THRB: variants seen among roughly 807,000 people sequenced by gnomAD.
THRB encodes the protein thyroid hormone receptor beta.
Under a neutral mutation model 47.8 loss-of-function variants are expected in THRB, and 12 were observed. That is an observed-to-expected ratio of 0.25 (90% CI 0.16 to 0.41). THRB has a LOEUF of 0.41. THRB is among the 10% of genes least tolerant of loss of function. The pLI is 1.00. For missense variants in THRB, 348 were observed against 589.2 expected (o/e 0.59, Z 4.24); for synonymous variants, 218 against 212.2 (o/e 1.03, Z -0.24).
chr3:24,490,675 A>C (rs1174510886), intron 1 of THRB, among the ~76,000 whole-genome samples: 1 of 152,090 alleles, frequency 6.6e-6, no homozygotes, highest in Non-Finnish European at 1.5e-5. Context: ...CCATAGGGTC[A>C]TTTTCAAGTA....
chr3:24,255,829 A>G (rs1324708865), intron 3 of THRB, among the ~76,000 whole-genome samples: 1 of 152,214 alleles, frequency 6.6e-6, no homozygotes, highest in Non-Finnish European at 1.5e-5. Flanking sequence ...TAAGTCAGAA[A>G]AGGTTGAAGG....
At chr3:24,186,585 T>C (rs2042596271) in intron 5 of THRB, among the ~76,000 whole-genome samples, 1 of 152,164 alleles carries the variant, frequency 6.6e-6, no homozygotes, top group Admixed American at 6.5e-5. Context: ...TCTAATTAAA[T>C]GTGTTACCAA....
intron 1 of THRB, among the ~76,000 whole-genome samples, chr3:24,385,478 G>A (rs1346717265): frequency 6.6e-6 from 1 of 151,894 alleles, no homozygotes. Flanking sequence ...AGGAGCAGCT[G>A]GATGTGTTGT....
At chr3:24,351,387 G>A (rs1021817660) in intron 1 of THRB, among the ~76,000 whole-genome samples, 2 of 151,996 alleles carry the variant, frequency 1.3e-5, no homozygotes, top group Non-Finnish European at 2.9e-5. Flanking sequence ...TCAAAATGAT[G>A]GGCACTTACT....
chr3:24,428,943 T>C (rs1383199362), intron 1 of THRB, among the ~76,000 whole-genome samples: 1 of 150,360 alleles, frequency 6.7e-6, no homozygotes, highest in African/African-American at 2.4e-5. Context: ...CTCAGATGCA[T>C]TGGATCTTCA....
At position 24,120,351 on chromosome 3, in the gene THRB, G is replaced by C. The variant is rs1001003718; in HGVS notation, c.*2533C>G. 1.3e-5 allele frequency: 2 copies of C among 152,174 alleles called. No homozygotes were observed. 9.4% of individuals were successfully genotyped at this position (152,174 alleles called of 1,614,324 possible). A position where few individuals can be genotyped will look rare whatever the true frequency, so the allele number is the denominator to read the frequency against. On this transcript the variant is annotated 3_prime_UTR_variant, in exon 11 of 11. Transcript: ENST00000646209. ...AAGGATCAAACGTTCCTTTACTTGC[G>C]GCTGGCTGGATGGCTGTTTATATGC...
At chr3:24,450,106 T>A (rs1043446819) in intron 1 of THRB, among the ~76,000 whole-genome samples, 3 of 152,156 alleles carry the variant, frequency 2.0e-5, no homozygotes, top group Admixed American at 2.0e-4. Flanking sequence ...GAAAGCATCA[T>A]AACTTAATAT....
chr3:24,237,033 AAG>A (rs2048942938), intron 3 of THRB, among the ~76,000 whole-genome samples: 1 of 152,208 alleles, frequency 6.6e-6, no homozygotes, highest in Admixed American at 6.5e-5. Flanking sequence ...AAAAATCAGT[AAG>A]AGAAAAAATA....
chr3:24,273,977 T>C (rs1205102593), intron 3 of THRB, among the ~76,000 whole-genome samples: 6 of 152,220 alleles, frequency 3.9e-5, no homozygotes, highest in African/African-American at 1.4e-4. Flanking sequence ...TATGTTGTGA[T>C]AGCATAAATA....
chr3:24,146,089 G>A (rs956627182), intron 7 of THRB, among the ~76,000 whole-genome samples: 5 of 152,128 alleles, frequency 3.3e-5, no homozygotes, highest in East Asian at 1.9e-4. Flanking sequence ...ACTTCAGCTC[G>A]GAATGTCTTT....
intron 4 of THRB, among the ~76,000 whole-genome samples, chr3:24,191,747 T>A (rs969476547): frequency 6.6e-6 from 1 of 152,220 alleles, no homozygotes; most frequent in Non-Finnish European, 1.5e-5. Context: ...TTCATATTAC[T>A]ATGAGAAAAT....
chr3:24,165,213 T>C (rs2039478855), intron 5 of THRB: 1 of 764,988 alleles, frequency 1.3e-6, no homozygotes, highest in Non-Finnish European at 2.4e-6. Context: ...ATATATATGT[T>C]GTTACTGGGC....
chr3:24,252,387 G>A (rs929670534), intron 3 of THRB, among the ~76,000 whole-genome samples: 3 of 152,056 alleles, frequency 2.0e-5, no homozygotes, highest in South Asian at 2.1e-4. Context: ...TCCTAAAGAT[G>A]AGATAAACAG....
At chr3:24,311,881 A>G (rs533643296) in intron 2 of THRB, among the ~76,000 whole-genome samples, 1 of 152,250 alleles carries the variant, frequency 6.6e-6, no homozygotes, top group African/African-American at 2.4e-5. Context: ...CCTCTCATTT[A>G]CTAGTAGTAG....
chr3:24,127,897 T>C (rs1037459360), intron 9 of THRB, 140 bp from the exon 10 acceptor site: 18 of 1,014,792 alleles, frequency 1.8e-5, no homozygotes, highest in Non-Finnish European at 2.7e-5. Context: ...TGGTTTTCCC[T>C]TCCCTACTTG....
At chr3:24,433,686 G>C (rs1159976956) in intron 1 of THRB, among the ~76,000 whole-genome samples, 2 of 152,120 alleles carry the variant, frequency 1.3e-5, no homozygotes, top group Non-Finnish European at 2.9e-5. Flanking sequence ...GTTTTGTGGG[G>C]ATCAAATGAA....
chr3:24,435,672 G>A (rs989346736), intron 1 of THRB, among the ~76,000 whole-genome samples: 2 of 152,192 alleles, frequency 1.3e-5, no homozygotes, highest in Admixed American at 6.5e-5. Context: ...AGAAGGCAGA[G>A]CCTGGCTCTA....
intron 5 of THRB, among the ~76,000 whole-genome samples, chr3:24,169,199 C>T (rs1279522743): frequency 6.6e-6 from 1 of 152,096 alleles, no homozygotes; most frequent in East Asian, 1.9e-4. Flanking sequence ...CCCAGTTTCC[C>T]CTTTGTCAAT....
chr3:24,235,617 G>A (rs2048779613), intron 3 of THRB, among the ~76,000 whole-genome samples: 1 of 152,084 alleles, frequency 6.6e-6, no homozygotes, highest in African/African-American at 2.4e-5. Flanking sequence ...CTGGGTTGGG[G>A]GCTGTGGGTT....
Sources: gnomAD v4.1 joint callset for allele counts (sites outside exome capture counted in the v4.1 genomes callset) on GRCh38, gnomAD v4.1.1 for gene constraint, MANE v1.5 for transcripts, NCBI Gene and HGNC (gene_info 2026-07-23, HGNC 2026-07-21) for gene names.